Variants in COL17A1 observed in about 807,000 individuals in gnomAD.
COL17A1 encodes the protein collagen type XVII alpha 1 chain.
In COL17A1, 181 loss-of-function variants were observed where a neutral mutation model predicts 218.4. The ratio of observed to expected loss-of-function variants is 0.83; its 90% CI spans 0.73 to 0.94. The LOEUF is 0.94. Among genes scored for constraint, COL17A1 ranks in the 40% least tolerant of loss-of-function variants. COL17A1 has a pLI of 0.00. For synonymous variants in COL17A1, 721 were observed against 731.0 expected, an observed-to-expected ratio of 0.99 and a Z score of 0.22; for missense variants, 1,924 against 1,945.9, an observed-to-expected ratio of 0.99 and a Z score of 0.21.
In COL17A1 at chr10:104,062,274, G is replaced by T; in HGVS notation, c.894C>A (p.Thr298=). ...APSLTTLSHG[T]TTTSTAYGVK... is the part of the protein sequence containing the mutation. ...CCTACTGACCTGTGGAAGTGGTGGT[G>T]GTGCCATGGGACAGGGTGGTCAAGC... is the stretch of plus-strand genomic sequence containing the variant. The change falls in exon 12 of 56, where the codon ACC becomes ACA. Residue 298 remains threonine, a synonymous_variant. Transcript: ENST00000648076. The T allele has an allele frequency of 6.2e-7, 1 of 1,614,240 alleles. No individual in the cohort carries two copies. The highest frequency in any genetic ancestry group is 8.5e-7 in the Non-Finnish European group (1 of 1,180,044).
intron 1 of COL17A1, among the ~76,000 whole-genome samples, chr10:104,083,558 A>AT (rs2086782764): frequency 1.3e-5 from 2 of 152,172 alleles, no homozygotes; most frequent in South Asian, 4.1e-4. Context: ...AGAAGACACA[A>AT]TTTTAAATCA....
At chr10:104,038,810 C>G (rs1393880395) in intron 44 of COL17A1, among the ~76,000 whole-genome samples, 4 of 152,278 alleles carry the variant, frequency 2.6e-5, no homozygotes, top group Admixed American at 6.5e-5. Context: ...TCTCAACTCC[C>G]CAGCACCCTG....
chr10:104,077,215 C>T (rs2134657831), intron 4 of COL17A1, among the ~76,000 whole-genome samples: 1 of 152,168 alleles, frequency 6.6e-6, no homozygotes, highest in East Asian at 1.9e-4. Context: ...TAATTTGCAC[C>T]CCCGGTCTCC....
At chr10:104,035,203 G>C in intron 50 of COL17A1, 60 bp downstream of exon 50, 1 of 1,425,584 alleles carries the variant, frequency 7.0e-7, no homozygotes, top group Non-Finnish European at 9.7e-7. Context: ...AAAGCCCATG[G>C]GAGCCCCCAA....
At chr10:104,047,627 C>T (rs1247214818) in intron 31 of COL17A1, 112 bp downstream of exon 31, 18 of 872,546 alleles carry the variant, frequency 2.1e-5, no homozygotes, top group Non-Finnish European at 3.1e-5. Context: ...TACACCCCTT[C>T]CCCCACAACC....
At position 104,070,638 on chromosome 10, in the gene COL17A1, G is replaced by A. The variant is rs984524394; in HGVS notation, c.464-69C>T. ...TTCCTGAGTCCCTGTGCAACTGGGG[G>A]GAACATTTGTGGCATTCTGACTACT... On this transcript the variant is annotated intron_variant, in intron 8 of 55. Transcript: ENST00000648076. The A allele has an allele frequency of 3.1e-6, 5 of 1,612,550 alleles. No homozygotes were observed. In the African/African-American group the frequency reaches 4.0e-5, roughly 13 times the overall value.
Position 104,072,095 on chromosome 10 carries a change from G to A in COL17A1, c.416-16C>T, listed in dbSNP as rs2134648575. The stretch of plus-strand genomic sequence containing the variant: ...ATTTCACTCTCTGTACAAGGGAAGA[G>A]ATAGAGAAGGGTGTGAATGAAGGAG... On this transcript the variant is annotated splice_polypyrimidine_tract_variant and intron_variant, in intron 7 of 55. Coordinates refer to ENST00000648076, the MANE Select transcript of COL17A1 (RefSeq NM_000494.4). The A allele has an allele frequency of 6.2e-7, 1 of 1,614,110 alleles. No individual in the cohort carries two copies. The highest frequency in any genetic ancestry group is 2.2e-5 in the East Asian group (1 of 44,876).
In COL17A1 at chr10:104,057,054, G is replaced by T; in HGVS notation, c.1386C>A (p.Cys462Ter). 1 of 1,608,404 alleles carries T rather than the reference G, an allele frequency of 6.2e-7. No individual in the cohort carries two copies. The highest frequency in any genetic ancestry group is 8.5e-7 in the Non-Finnish European group (1 of 1,177,608). The change falls in exon 17 of 56, where the codon TGC becomes TGA. Residue 462 changes from cysteine (C) to a stop codon, truncating the protein, a stop_gained. Transcript: ENST00000648076. LOFTEE classifies it high-confidence loss of function. ...APAWCPCGSC[C>*]SWWKWLLGLL... is the part of the protein sequence containing the mutation. ...GGCCCAGCAGCCACTTCCACCAGCT[G>T]CAGCAGGAGCCGCAGGGGCACCAGG...
chr10:104,083,670 A>G (rs1197722936), intron 1 of COL17A1, among the ~76,000 whole-genome samples: 1 of 152,226 alleles, frequency 6.6e-6, no homozygotes, highest in Non-Finnish European at 1.5e-5. Flanking sequence ...ACACACACAC[A>G]AGGACAAACC....
intron 1 of COL17A1, among the ~76,000 whole-genome samples, chr10:104,083,661 C>T (rs1442619070): frequency 6.6e-6 from 1 of 152,202 alleles, no homozygotes; most frequent in African/African-American, 2.4e-5. Flanking sequence ...CTAACATACA[C>T]ACACACACAA....
chr10:104,036,243 A>AT (rs2086297308), intron 48 of COL17A1, among the ~76,000 whole-genome samples: 1 of 1,162 alleles, frequency 8.6e-4, no homozygotes, highest in Non-Finnish European at 2.5e-3. Flanking sequence ...AGTGTGTGTG[A>AT]GAGAGAGAGA....
At chr10:104,040,308 G>A (rs761896200) in intron 40 of COL17A1, 43 bp downstream of exon 40, 1 of 1,374,954 alleles carries the variant, frequency 7.3e-7, no homozygotes, top group Non-Finnish European at 1.0e-6. Context: ...GGTAAACAGA[G>A]GACACATACT....
chr10:104,069,197 A>C (rs1413473799), intron 9 of COL17A1, among the ~76,000 whole-genome samples: 1 of 152,236 alleles, frequency 6.6e-6, no homozygotes, highest in Admixed American at 6.5e-5. Flanking sequence ...TGCCCAAAAT[A>C]GGGAGACTAA....
chr10:104,072,143 T>C, intron 7 of COL17A1, 64 bp from the exon 8 acceptor site: 1 of 1,609,170 alleles, frequency 6.2e-7, no homozygotes, highest in Non-Finnish European at 8.5e-7. Flanking sequence ...TCCCTGACAC[T>C]GAACTCCTAG....
intron 4 of COL17A1, 67 bp downstream of exon 4, chr10:104,077,355 G>A: frequency 1.6e-6 from 2 of 1,260,340 alleles, no homozygotes; most frequent in South Asian, 2.5e-5. Flanking sequence ...TCCTGTGTAG[G>A]ACTTTCTTGG....
At chr10:104,078,954 CA>C (rs1313951638) in intron 2 of COL17A1, among the ~76,000 whole-genome samples, 3 of 152,220 alleles carry the variant, frequency 2.0e-5, no homozygotes, top group Non-Finnish European at 2.9e-5. Context: ...CGTTTCTCTG[CA>C]TTTCTCCTTC....
chr10:104,055,523 G>A (rs1475338429), intron 18 of COL17A1, 122 bp from the exon 19 acceptor site: 1 of 1,462,068 alleles, frequency 6.8e-7, no homozygotes, highest in Non-Finnish European at 9.4e-7. Flanking sequence ...CTGAGGCAAA[G>A]ACTAGAGATC....
At chr10:104,033,825 C>T in intron 52 of COL17A1, 120 bp downstream of exon 52, 2 of 1,486,026 alleles carry the variant, frequency 1.3e-6, no homozygotes, top group Non-Finnish European at 9.2e-7. Context: ...CTGTCCCCTC[C>T]AGCCCCTGCC....
At chr10:104,079,268 C>T (rs1335399842) in intron 2 of COL17A1, among the ~76,000 whole-genome samples, 4 of 152,160 alleles carry the variant, frequency 2.6e-5, no homozygotes, top group Non-Finnish European at 5.9e-5. Context: ...CTGTGGCCCT[C>T]AGCACTACCT....
Sources: allele counts gnomAD v4.1 joint callset (sites outside exome capture counted in the v4.1 genomes callset), GRCh38; gene constraint gnomAD v4.1.1; transcripts MANE v1.5; gene names NCBI Gene and HGNC (gene_info 2026-07-23, HGNC 2026-07-21).